PDE4C: variants seen among roughly 807,000 people sequenced by gnomAD.
PDE4C encodes phosphodiesterase 4C, also known as 3',5'-cyclic-AMP phosphodiesterase 4C.
A neutral mutation model predicts 63.9 loss-of-function variants in PDE4C; 50 were observed. That is an observed-to-expected ratio of 0.78 (90% CI 0.62 to 0.99). The LOEUF (loss-of-function observed/expected upper bound fraction) is 0.99. Among genes scored for constraint, PDE4C ranks in the 50% least tolerant of loss-of-function variants. PDE4C has a pLI of 0.00. For missense variants in PDE4C, 777 were observed against 899.1 expected, an observed-to-expected ratio of 0.86 and a Z score of 1.74; for synonymous variants, 377 against 385.1, an observed-to-expected ratio of 0.98 and a Z score of 0.25.
chr19:18,254,036 G>A, the PDE4C span, among the ~76,000 whole-genome samples: 1 of 152,190 alleles, frequency 6.6e-6, no homozygotes, highest in Non-Finnish European at 1.5e-5. Flanking sequence ...GGGTCCACAT[G>A]CCACCCTCCC....
intron 4 of PDE4C, 44 bp downstream of exon 4, chr19:18,221,061 G>C: frequency 1.4e-6 from 1 of 691,936 alleles, no homozygotes; most frequent in Non-Finnish European, 2.0e-6. Context: ...CGCCCACCTT[G>C]TCTCTGCCGG....
upstream of PDE4C, among the ~76,000 whole-genome samples, chr19:18,229,924 CA>C (rs1048097017): frequency 1.3e-5 from 2 of 152,152 alleles, no homozygotes; most frequent in African/African-American, 4.8e-5. Context: ...AGTCTCTCCC[CA>C]CTCCTCACTG....
At chr19:18,245,875 G>A (rs532404849) in intron 1 of PDE4C, among the ~76,000 whole-genome samples, 99 of 151,928 alleles carry the variant, frequency 6.5e-4, no homozygotes, top group African/African-American at 2.2e-3. Context: ...ACGGAGTCTC[G>A]CTCTGTTGTC....
At chr19:18,251,068 G>T (rs1969223876), upstream of PDE4C, among the ~76,000 whole-genome samples, 1 of 151,510 alleles carries the variant, frequency 6.6e-6, no homozygotes, top group South Asian at 2.1e-4. Flanking sequence ...GGGCCACTGA[G>T]CCCAGCCTAA....
chr19:18,218,137 A>G lies in PDE4C; in HGVS notation c.1234+12T>C. ...ACCTCTTCTCCTGCACCCACTTCCC[A>G]CTCCTACTTACTGGTGTTAATCAGA... On this transcript the variant is annotated intron_variant, in intron 11 of 14. Coordinates refer to ENST00000262805, the Ensembl canonical transcript of PDE4C. 3 of 1,601,938 alleles carry G rather than the reference A, an allele frequency of 1.9e-6. No individual in the cohort carries two copies. The highest frequency in any genetic ancestry group is 2.6e-6 in the Non-Finnish European group (3 of 1,169,334).
rs1377562754 is a variant in PDE4C at position 18,220,524 on chromosome 19, C to T, written c.500-9G>A. Reference sequence around the variant, plus strand: ...CTTCTGCCCCGTGTCCTCTGGGAGCCGAGGCAGTCAGGGGCCTGCCCAACC... The same window carrying T: ...CTTCTGCCCCGTGTCCTCTGGGAGCTGAGGCAGTCAGGGGCCTGCCCAACC... On this transcript the variant is annotated splice_polypyrimidine_tract_variant and intron_variant, in intron 5 of 14. Transcript: ENST00000262805. The surrounding 1 kb of genome is among the most constrained non-coding windows in gnomAD (Gnocchi z 5.1). 1.9e-6 allele frequency: 3 copies of T among 1,600,574 alleles called. No homozygotes were observed. The highest frequency in any genetic ancestry group is 2.2e-5 in the East Asian group (1 of 44,776).
intron 3 of PDE4C, 34 bp from the exon 4 acceptor site, chr19:18,221,212 G>C (rs1191360485): frequency 6.4e-7 from 1 of 1,563,766 alleles, no homozygotes; most frequent in Admixed American, 2.1e-5. Context: ...GTGGGAAGGA[G>C]AGGCCGGATC....
chr19:18,244,956 A>G (rs370098485), intron 1 of PDE4C, among the ~76,000 whole-genome samples: 3 of 149,862 alleles, frequency 2.0e-5, no homozygotes, highest in African/African-American at 7.4e-5. Flanking sequence ...CTGCCTCAGC[A>G]TGCCGAGTAG....
At chr19:18,221,058 C>CCCCCCCCCCCCCCCCCCCATT in intron 4 of PDE4C, 47 bp downstream of exon 4, 3 of 1,221,610 alleles carry the variant, frequency 2.5e-6, no homozygotes, top group Non-Finnish European at 2.3e-6. Context: ...TTCCGCCCAC[C>CCCCCCCCCCCCCCCCCCCATT]TTGTCTCTGC....
chr19:18,252,691 C>T (rs1472796508), upstream of PDE4C, among the ~76,000 whole-genome samples: 1 of 151,914 alleles, frequency 6.6e-6, no homozygotes, highest in East Asian at 1.9e-4. Context: ...CATCTCAGCT[C>T]ACTGCAACCT....
chr19:18,248,695 C>T (rs968007782), upstream of PDE4C, among the ~76,000 whole-genome samples: 3 of 151,946 alleles, frequency 2.0e-5, no homozygotes, highest in African/African-American at 7.3e-5. Flanking sequence ...GAAAGTTGCC[C>T]GCTGTGCTGT....
rs968186165 is a variant in PDE4C, at chr19:18,213,376, G to A, written c.1504C>T (p.Arg502Ter). Reference sequence around the variant, plus strand: ...CCCATCCAGCTACACACCTGGATTCGGTCGGAATAGTTGTCCAGGAGGAGG... The same window carrying A: ...CCCATCCAGCTACACACCTGGATTCAGTCGGAATAGTTGTCCAGGAGGAGG... Residue 502 changes from arginine (R) to a stop codon, truncating the protein, a stop_gained, in exon 13 of 15, where the codon CGA becomes TGA. Coordinates refer to ENST00000262805, the Ensembl canonical transcript of PDE4C. LOFTEE classifies it high-confidence loss of function. The A allele has an allele frequency of 5.0e-6, 8 of 1,613,086 alleles. No individual in the cohort carries two copies. The highest frequency in any genetic ancestry group is 2.2e-5 in the South Asian group (2 of 91,054).
intron 12 of PDE4C, among the ~76,000 whole-genome samples, chr19:18,214,264 A>T (rs1032846908): frequency 1.2e-4 from 18 of 152,012 alleles, no homozygotes; most frequent in South Asian, 2.1e-4. Flanking sequence ...AAAAAAAAAA[A>T]AATAACCCAT....
chr19:18,249,188 C>T (rs1312976723), upstream of PDE4C, among the ~76,000 whole-genome samples: 1 of 152,078 alleles, frequency 6.6e-6, no homozygotes, highest in Non-Finnish European at 1.5e-5. Flanking sequence ...AATTTGGTCT[C>T]AAACTACCAA....
chr19:18,229,416 T>A, upstream of PDE4C, among the ~76,000 whole-genome samples: 1 of 152,088 alleles, frequency 6.6e-6, no homozygotes. Context: ...AATTTTGGTA[T>A]TTTTAGTAGA....
At chr19:18,237,385 C>T (rs1171512420), upstream of PDE4C, among the ~76,000 whole-genome samples, 1 of 151,794 alleles carries the variant, frequency 6.6e-6, no homozygotes, top group African/African-American at 2.4e-5. Flanking sequence ...AACCCCACCT[C>T]TACTAAAAAT....
downstream of PDE4C, chr19:18,208,407 C>T (rs2147991090): frequency 6.6e-6 from 1 of 152,336 alleles, no homozygotes; most frequent in Middle Eastern, 3.4e-3. Context: ...ACCAGCAGGA[C>T]GAGCTCTTCC....
chr19:18,213,848 G>A (rs185131165), intron 12 of PDE4C, among the ~76,000 whole-genome samples: 2 of 152,270 alleles, frequency 1.3e-5, no homozygotes, highest in Non-Finnish European at 1.5e-5. Flanking sequence ...GAAGGCATTC[G>A]TTGAGTCACA....
chr19:18,241,052 C>A (rs1180009060), intron 1 of PDE4C, among the ~76,000 whole-genome samples: 1 of 151,930 alleles, frequency 6.6e-6, no homozygotes, highest in East Asian at 1.9e-4. Flanking sequence ...CACCCTTTCC[C>A]AGGGGCACCT....
Sources: gnomAD v4.1 joint callset for allele counts (sites outside exome capture counted in the v4.1 genomes callset) on GRCh38, gnomAD v4.1.1 for gene constraint, Gnocchi (gnomAD v3.1) non-coding constraint, MANE v1.5 for transcripts, NCBI Gene and HGNC (gene_info 2026-07-23, HGNC 2026-07-21) for gene names.